RBFOX1: variants seen among roughly 807,000 people sequenced by gnomAD.
RBFOX1 encodes RNA binding protein fox-1 homolog 1.
Under a neutral mutation model 57.7 loss-of-function variants are expected in RBFOX1, and 8 were observed. The ratio of observed to expected loss-of-function variants is 0.14; its 90% CI spans 0.08 to 0.25. The LOEUF (loss-of-function observed/expected upper bound fraction) is 0.25, where lower values mean the gene tolerates loss of function less well. Among genes scored for constraint, RBFOX1 ranks in the 10% least tolerant of loss-of-function variants. The probability of loss-of-function intolerance (pLI) is 1.00; values close to 1 mark genes in which losing one functional copy is unlikely to be tolerated. For missense variants in RBFOX1, 611 were observed against 548.5 expected, an observed-to-expected ratio of 1.11 and a Z score of -1.14; for synonymous variants, 326 against 222.4, an observed-to-expected ratio of 1.47 and a Z score of -4.15.
intron 2 of RBFOX1, among the ~76,000 whole-genome samples, chr16:5,513,306 G>T (rs867250257): frequency 2.0e-5 from 3 of 152,140 alleles, no homozygotes; most frequent in African/African-American, 4.8e-5. Flanking sequence ...TCTGTCTGAC[G>T]TTTCGATTAG....
chr16:7,351,671 T>C (rs540150179), intron 4 of RBFOX1, among the ~76,000 whole-genome samples: 191 of 152,308 alleles, frequency 1.3e-3, no homozygotes, highest in African/African-American at 4.4e-3. Flanking sequence ...TTTTTTCGCT[T>C]CCTGGGTTTG....
At chr16:6,012,095 C>G (rs1397678041) in intron 4 of RBFOX1, among the ~76,000 whole-genome samples, 1 of 152,220 alleles carries the variant, frequency 6.6e-6, no homozygotes, top group Non-Finnish European at 1.5e-5. Flanking sequence ...TCATTTAATT[C>G]TCCCGACAAT....
intron 3 of RBFOX1, among the ~76,000 whole-genome samples, chr16:5,823,814 C>G (rs1315207579): frequency 6.6e-6 from 1 of 152,130 alleles, no homozygotes; most frequent in African/African-American, 2.4e-5. Context: ...AAAACAAGCT[C>G]AGGGCTCCCA....
intron 1 of RBFOX1, among the ~76,000 whole-genome samples, chr16:6,198,535 G>T (rs1296958587): frequency 6.6e-6 from 1 of 152,192 alleles, no homozygotes; most frequent in Non-Finnish European, 1.5e-5. Flanking sequence ...CCTTGAGCAT[G>T]TCAGTAACCT....
At chr16:5,531,613 T>C (rs1483749880) in intron 2 of RBFOX1, among the ~76,000 whole-genome samples, 1 of 151,486 alleles carries the variant, frequency 6.6e-6, no homozygotes, top group East Asian at 2.0e-4. Context: ...TTTTTTCATC[T>C]GTGTAATAGG....
At chr16:7,111,488 G>T (rs905465441) in intron 4 of RBFOX1, among the ~76,000 whole-genome samples, 4 of 152,152 alleles carry the variant, frequency 2.6e-5, no homozygotes, top group Admixed American at 6.5e-5. Context: ...AATGAGTGCA[G>T]TGTGGAATAC....
chr16:6,682,955 C>T (rs1482260147), intron 3 of RBFOX1, among the ~76,000 whole-genome samples: 1 of 151,618 alleles, frequency 6.6e-6, no homozygotes, highest in Non-Finnish European at 1.5e-5. Context: ...CACATCAGGC[C>T]TCATAGGGGT....
chr16:6,606,874 G>T (rs2097938685), intron 2 of RBFOX1, among the ~76,000 whole-genome samples: 1 of 152,138 alleles, frequency 6.6e-6, no homozygotes, highest in Admixed American at 6.5e-5. Context: ...TATATACCCA[G>T]TAATAGGATT....
intron 1 of RBFOX1, among the ~76,000 whole-genome samples, chr16:6,313,707 T>C (rs1336779347): frequency 6.6e-6 from 1 of 152,136 alleles, no homozygotes; most frequent in Non-Finnish European, 1.5e-5. Context: ...TTAGCTTCTG[T>C]GTAATCTTGG....
chr16:5,652,572 A>C (rs1039750282), intron 3 of RBFOX1, among the ~76,000 whole-genome samples: 3 of 152,210 alleles, frequency 2.0e-5, no homozygotes, highest in African/African-American at 7.2e-5. Flanking sequence ...CATACCATCC[A>C]GACCTCCACT....
chr16:6,214,937 A>G, intron 1 of RBFOX1, among the ~76,000 whole-genome samples: 2 of 112,142 alleles, frequency 1.8e-5, no homozygotes, highest in African/African-American at 3.5e-5. Flanking sequence ...AGGGAGAGGG[A>G]CAGGGAGAGA....
chr16:6,676,777 G>T (rs952287304), intron 3 of RBFOX1, among the ~76,000 whole-genome samples: 1 of 148,056 alleles, frequency 6.8e-6, no homozygotes, highest in African/African-American at 2.5e-5. Flanking sequence ...CCAGGTTGAA[G>T]CATTTCTCCT....
intron 4 of RBFOX1, among the ~76,000 whole-genome samples, chr16:7,513,321 A>C (rs370061051): frequency 1.2e-4 from 18 of 152,092 alleles, no homozygotes; most frequent in African/African-American, 4.3e-4. Context: ...TGAACTCCCC[A>C]CCAGGTGATT....
chr16:6,973,916 C>G (rs1260977895), intron 3 of RBFOX1, among the ~76,000 whole-genome samples: 1 of 152,040 alleles, frequency 6.6e-6, no homozygotes, highest in Non-Finnish European at 1.5e-5. Flanking sequence ...AGCTTTTATC[C>G]CTAATGCTCG....
At chr16:5,452,796 A>G (rs2068468128) in intron 1 of RBFOX1, among the ~76,000 whole-genome samples, 1 of 151,824 alleles carries the variant, frequency 6.6e-6, no homozygotes, top group African/African-American at 2.4e-5. Flanking sequence ...GGCGTGCACC[A>G]CCACACCTGG....
At chr16:6,664,734 C>G (rs147735606) in intron 3 of RBFOX1, among the ~76,000 whole-genome samples, 1 of 152,298 alleles carries the variant, frequency 6.6e-6, no homozygotes, top group Non-Finnish European at 1.5e-5. Flanking sequence ...TGGAGATACT[C>G]AGTTGGTGGA....
chr16:7,186,225 AACATAAACATATTT>A (rs1227709797), intron 4 of RBFOX1, among the ~76,000 whole-genome samples: 3 of 135,430 alleles, frequency 2.2e-5, no homozygotes, highest in African/African-American at 9.0e-5. Flanking sequence ...TATTTATATA[AACATAAACATATTT>A]ATATAAACAT....
intron 4 of RBFOX1, among the ~76,000 whole-genome samples, chr16:5,920,480 C>T (rs1038438947): frequency 1.3e-5 from 2 of 152,086 alleles, no homozygotes; most frequent in African/African-American, 4.8e-5. Flanking sequence ...AGTGGAATTA[C>T]TGGGTTATAT....
At chr16:5,296,830 C>G (rs151157476) in intron 1 of RBFOX1, among the ~76,000 whole-genome samples, 2,767 of 152,030 alleles carry the variant, frequency 0.018, 73 homozygotes, top group African/African-American at 0.062. Flanking sequence ...AGGCACGCAC[C>G]ACCACGCCCA....
Sources: allele counts gnomAD v4.1 joint callset (sites outside exome capture counted in the v4.1 genomes callset), GRCh38; gene constraint gnomAD v4.1.1; transcripts MANE v1.5; gene names NCBI Gene and HGNC (gene_info 2026-07-23, HGNC 2026-07-21).